The following SOX5 variants were observed in gnomAD, a reference collection of about 807,000 sequenced individuals.
SOX5 encodes the protein SRY-box transcription factor 5.
A neutral mutation model predicts 92.0 loss-of-function variants in SOX5; 9 were observed. The ratio of observed to expected loss-of-function variants is 0.10; its 90% confidence interval spans 0.06 to 0.17. The LOEUF (loss-of-function observed/expected upper bound fraction) is 0.17. SOX5 is among the 10% of genes least tolerant of loss of function. SOX5 has a pLI of 1.00. For missense variants in SOX5, 642 were observed against 944.5 expected (o/e 0.68, Z 4.20); for synonymous variants, 344 against 336.3 (o/e 1.02, Z -0.25).
chr12:23,714,545 C>T (rs538090030), intron 6 of SOX5, among the ~76,000 whole-genome samples: 1 of 152,052 alleles, frequency 6.6e-6, no homozygotes, highest in South Asian at 2.1e-4. Flanking sequence ...CGCTTGAACC[C>T]GGGAGGCGGA....
chr12:23,790,584 G>T (rs1003254602), intron 3 of SOX5, among the ~76,000 whole-genome samples: 1 of 140,452 alleles, frequency 7.1e-6, no homozygotes, highest in Non-Finnish European at 1.5e-5. Flanking sequence ...ACACACGAAA[G>T]TTCTGTGAAC....
At chr12:23,908,829 G>C (rs1431646473) in intron 1 of SOX5, among the ~76,000 whole-genome samples, 1 of 152,088 alleles carries the variant, frequency 6.6e-6, no homozygotes, top group Non-Finnish European at 1.5e-5. Context: ...TCATGCCAAA[G>C]CTCCTTTGCT....
intron 4 of SOX5, among the ~76,000 whole-genome samples, chr12:24,168,952 T>C (rs1248160418): frequency 1.3e-5 from 2 of 152,014 alleles, no homozygotes; most frequent in African/African-American, 4.8e-5. Flanking sequence ...ACATTATTAC[T>C]ACAACCCAAC....
chr12:23,636,449 CT>C (rs771894558), intron 8 of SOX5, among the ~76,000 whole-genome samples: 1 of 152,060 alleles, frequency 6.6e-6, no homozygotes, highest in South Asian at 2.1e-4. Flanking sequence ...TGTCTGCACT[CT>C]TTAATAAAAA....
chr12:24,262,700 A>G (rs886265246), intron 3 of SOX5, among the ~76,000 whole-genome samples: 1 of 151,976 alleles, frequency 6.6e-6, no homozygotes. Context: ...CTCCTCTCTC[A>G]CCTCCAGCTC....
intron 1 of SOX5, among the ~76,000 whole-genome samples, chr12:23,947,892 A>G (rs1595849463): frequency 6.6e-6 from 1 of 152,110 alleles, no homozygotes. Flanking sequence ...CCTTTTTATA[A>G]GTACAATCTG....
intron 1 of SOX5, among the ~76,000 whole-genome samples, chr12:24,462,136 C>T (rs575495751): frequency 1.3e-5 from 2 of 152,308 alleles, no homozygotes; most frequent in East Asian, 3.9e-4. Flanking sequence ...TGTACTTACA[C>T]AAACCTAGAT....
intron 6 of SOX5, among the ~76,000 whole-genome samples, chr12:23,733,022 G>A (rs975821437): frequency 6.6e-6 from 1 of 152,194 alleles, no homozygotes; most frequent in African/African-American, 2.4e-5. Flanking sequence ...CATTGTGAAT[G>A]TAGTGGTCAT....
At chr12:24,185,970 T>C (rs1955975176) in intron 4 of SOX5, among the ~76,000 whole-genome samples, 2 of 152,062 alleles carry the variant, frequency 1.3e-5, no homozygotes, top group African/African-American at 4.8e-5. Context: ...GACTACAGGA[T>C]ATGCTTCTTA....
intron 4 of SOX5, among the ~76,000 whole-genome samples, chr12:24,082,195 A>G (rs1313096316): frequency 1.3e-5 from 2 of 151,828 alleles, no homozygotes; most frequent in Admixed American, 1.3e-4. Context: ...AGGACAAAGC[A>G]GAGACAAATG....
chr12:24,345,485 T>C (rs1422195900), intron 2 of SOX5, among the ~76,000 whole-genome samples: 1 of 152,196 alleles, frequency 6.6e-6, no homozygotes, highest in Non-Finnish European at 1.5e-5. Flanking sequence ...TTGTTTCATG[T>C]TTCAGATGGA....
upstream of SOX5, among the ~76,000 whole-genome samples, chr12:23,952,548 T>C (rs549536666): frequency 5.9e-5 from 9 of 152,322 alleles, no homozygotes; most frequent in East Asian, 1.7e-3. Context: ...GAAGAGAATG[T>C]TAAATGGTTT....
At chr12:24,307,518 G>GAGGGAGGGAAGGAAGGAAGTTAGTTTGTA (rs1595425918) in intron 2 of SOX5, among the ~76,000 whole-genome samples, 6 of 25,962 alleles carry the variant, frequency 2.3e-4, no homozygotes, top group African/African-American at 2.7e-4. Context: ...AGGAAGGAAG[G>GAGGGAGGGAAGGAAGGAAGTTAGTTTGTA]CCGGCCCCCC....
At chr12:23,808,848 T>G (rs2095826735) in intron 3 of SOX5, among the ~76,000 whole-genome samples, 1 of 152,178 alleles carries the variant, frequency 6.6e-6, no homozygotes, top group African/African-American at 2.4e-5. Context: ...AGAATATTCA[T>G]ACCAACAGTT....
rs143290545 is a variant in SOX5 at position 24,121,616 on chromosome 12, C to T, written c.-2+91727G>A. On this transcript the variant is annotated intron_variant, in intron 4 of 4. Transcript: ENST00000446891. ...GAGAAGGGATGAGATGGGCCGGGCGCGGTGGCTCACGCCTGTAATCCCAGC... is the reference window on the plus strand; with the variant it reads ...GAGAAGGGATGAGATGGGCCGGGCGTGGTGGCTCACGCCTGTAATCCCAGC... 3.6e-3 allele frequency among the ~76,000 whole-genome samples: 483 copies of T among 132,840 alleles called. 5 individuals carry two copies. Among genetic ancestry groups the T allele is most frequent in the African/African-American group, 0.013 (444 of 34,818 alleles). The allele number at this position is 132,840 out of a possible 152,430, so 87.1% of individuals were successfully genotyped here.
intron 11 of SOX5, among the ~76,000 whole-genome samples, chr12:23,555,075 G>T (rs1245753240): frequency 6.6e-6 from 1 of 152,050 alleles, no homozygotes; most frequent in African/African-American, 2.4e-5. Context: ...AGAAAATTCA[G>T]AAATGTGGAA....
intron 4 of SOX5, among the ~76,000 whole-genome samples, chr12:23,743,230 A>G (rs2093861882): frequency 6.6e-6 from 1 of 152,228 alleles, no homozygotes; most frequent in African/African-American, 2.4e-5. Context: ...GTTTATAGGA[A>G]TAAAGACTGA....
rs985788405 is a variant in SOX5 at position 24,463,658 on chromosome 12, A to C, written c.-250-95019T>G. On this transcript the variant is annotated intron_variant, in intron 1 of 4. Coordinates refer to the SOX5 transcript ENST00000446891. ...TGCGATCTACGGATTGGTGAACGGC[A>C]AAATGCCTATCTATTTTCAGAGATT... 2.0e-5 allele frequency among the ~76,000 whole-genome samples: 3 copies of C among 152,240 alleles called. No individual in the cohort carries two copies. The East Asian group carries it at 5.8e-4, about 29-fold the overall frequency.
intron 1 of SOX5, among the ~76,000 whole-genome samples, chr12:24,519,785 C>G (rs1950106021): frequency 6.6e-6 from 1 of 152,154 alleles, no homozygotes; most frequent in Non-Finnish European, 1.5e-5. Context: ...TCGTACACAT[C>G]TTAACAAGGT....
Sources: allele counts gnomAD v4.1 joint callset (sites outside exome capture counted in the v4.1 genomes callset), GRCh38; gene constraint gnomAD v4.1.1; transcripts MANE v1.5; gene names NCBI Gene and HGNC (gene_info 2026-07-23, HGNC 2026-07-21).